Variants in ATP2B1 observed in about 807,000 individuals in gnomAD.
The protein encoded by ATP2B1 is ATPase plasma membrane Ca2+ transporting 1.
Under a neutral mutation model 124.2 loss-of-function variants are expected in ATP2B1, and 14 were observed. That is an observed-to-expected ratio of 0.11 (90% CI 0.07 to 0.18). ATP2B1 has a LOEUF of 0.18. Ranked by LOEUF, ATP2B1 falls within the 10% of genes least tolerant of loss-of-function variation. ATP2B1 has a pLI of 1.00. For synonymous variants in ATP2B1, 449 were observed against 492.4 expected (o/e 0.91, Z 1.17); for missense variants, 763 against 1,466.1 (o/e 0.52, Z 7.83).
At chr12:89,706,888 C>T (rs1238610824) in intron 1 of ATP2B1, among the ~76,000 whole-genome samples, 1 of 152,172 alleles carries the variant, frequency 6.6e-6, no homozygotes, top group East Asian at 1.9e-4. Flanking sequence ...AAGCCAAAAT[C>T]AGGACAGAGA....
intron 1 of ATP2B1, among the ~76,000 whole-genome samples, chr12:89,700,497 A>G (rs1191398086): frequency 6.6e-6 from 1 of 152,200 alleles, no homozygotes; most frequent in African/African-American, 2.4e-5. Flanking sequence ...AGAGAAGAAA[A>G]GGACAGAAGT....
chr12:89,681,694 C>T (rs1033210393), intron 1 of ATP2B1, among the ~76,000 whole-genome samples: 18 of 151,994 alleles, frequency 1.2e-4, no homozygotes, highest in Admixed American at 6.6e-5. Flanking sequence ...AAAAAATATA[C>T]CATGATCAAG....
intron 1 of ATP2B1, among the ~76,000 whole-genome samples, chr12:89,699,578 G>GA (rs1364123791): frequency 4.6e-5 from 7 of 152,084 alleles, no homozygotes; most frequent in Non-Finnish European, 7.4e-5. Context: ...AAAACCCCCT[G>GA]ACTTTGTACT....
intron 1 of ATP2B1, among the ~76,000 whole-genome samples, chr12:89,659,694 G>A (rs924352664): frequency 5.9e-5 from 9 of 151,966 alleles, no homozygotes; most frequent in Non-Finnish European, 8.8e-5. Context: ...AGGCCGAGGC[G>A]GGCGGATCAC....
At chr12:89,591,340 C>T (rs753819762) in intron 20 of ATP2B1, 45 bp from the exon 21 acceptor site, 3 of 1,515,634 alleles carry the variant, frequency 2.0e-6, no homozygotes, top group African/African-American at 2.8e-5. Context: ...ACACTATTAA[C>T]AACTTAAAAA....
intron 19 of ATP2B1, among the ~76,000 whole-genome samples, chr12:89,599,731 A>T (rs1875420807): frequency 6.7e-6 from 1 of 148,946 alleles, no homozygotes; most frequent in Admixed American, 6.6e-5. Context: ...AAAATTTTTA[A>T]AAAAATCATT....
chr12:89,651,596 T>C (rs1056505419), intron 2 of ATP2B1, among the ~76,000 whole-genome samples: 2 of 152,164 alleles, frequency 1.3e-5, no homozygotes, highest in Non-Finnish European at 1.5e-5. Context: ...AAAGAACAAA[T>C]TGATAAGCAG....
At chr12:89,696,601 A>C (rs1157547317) in intron 1 of ATP2B1, among the ~76,000 whole-genome samples, 1 of 152,248 alleles carries the variant, frequency 6.6e-6, no homozygotes, top group Admixed American at 6.5e-5. Context: ...TAAAGTGTTA[A>C]AACTAGCTAT....
In ATP2B1 at chr12:89,642,151, T is replaced by A; in HGVS notation, c.406+7A>T. 1 of 1,604,662 alleles carries A rather than the reference T, an allele frequency of 6.2e-7. No individual in the cohort carries two copies. Among genetic ancestry groups the A allele is most frequent in the Non-Finnish European group, 8.5e-7 (1 of 1,174,378 alleles). On this transcript the variant is annotated splice_region_variant and intron_variant, in intron 3 of 20. Transcript: ENST00000428670. ...CAGACATGTCTTTTTTCCCCCCATT[T>A]ACTTACGTGCATTATCCCCTTCTGG...
At chr12:89,687,053 C>G (rs889647600) in intron 1 of ATP2B1, among the ~76,000 whole-genome samples, 8 of 152,024 alleles carry the variant, frequency 5.3e-5, no homozygotes, top group African/African-American at 1.9e-4. Flanking sequence ...ACATGTTTTT[C>G]TTGTCGTTAT....
At chr12:89,695,214 C>T (rs1891005698) in intron 1 of ATP2B1, among the ~76,000 whole-genome samples, 1 of 152,006 alleles carries the variant, frequency 6.6e-6, no homozygotes, top group African/African-American at 2.4e-5. Context: ...TAGAAGAGAT[C>T]ACAGACCAGG....
At chr12:89,708,135 G>C (rs1159714957) in intron 1 of ATP2B1, among the ~76,000 whole-genome samples, 1 of 152,162 alleles carries the variant, frequency 6.6e-6, no homozygotes, top group African/African-American at 2.4e-5. Context: ...CGTCTGGGGG[G>C]CCGAGGCCAA....
chr12:89,645,016 C>T (rs1368535039), intron 2 of ATP2B1, among the ~76,000 whole-genome samples: 4 of 152,134 alleles, frequency 2.6e-5, no homozygotes, highest in Non-Finnish European at 5.9e-5. Flanking sequence ...GGACACTATA[C>T]CAATAAAACT....
intron 8 of ATP2B1, 106 bp downstream of exon 8, chr12:89,626,348 C>A: frequency 1.6e-6 from 2 of 1,220,250 alleles, no homozygotes; most frequent in South Asian, 3.2e-5. Flanking sequence ...AACTCCCCTT[C>A]TATTCACAAA....
chr12:89,704,963 C>T (rs1892281398), intron 1 of ATP2B1, among the ~76,000 whole-genome samples: 1 of 152,072 alleles, frequency 6.6e-6, no homozygotes, highest in African/African-American at 2.4e-5. Flanking sequence ...ATTACCTGTC[C>T]TATGTCCCCA....
At position 89,656,104 on chromosome 12, in the gene ATP2B1, A is replaced by C. The variant is rs1449799465; in HGVS notation, c.-218T>G. 1.1e-5 allele frequency: 5 copies of C among 452,728 alleles called. No homozygotes were observed. Among genetic ancestry groups the C allele is most frequent in the Non-Finnish European group, 1.9e-5 (5 of 257,122 alleles). The allele number at this position is 452,728 out of a possible 1,614,324, so 28.0% of individuals were successfully genotyped here. On this transcript the variant is annotated 5_prime_UTR_variant, in exon 2 of 21. Transcript: ENST00000428670. Reference sequence around the variant, plus strand: ...TCTCCATATCAATCATGAGATATACACATCTGTAAGAAGAAAATATTTAAA... The same window carrying C: ...TCTCCATATCAATCATGAGATATACCCATCTGTAAGAAGAAAATATTTAAA...
rs532820899 is a variant in ATP2B1 at position 89,592,812 on chromosome 12, C to T, written c.3352-1517G>A. ...CACAAGTATCGAGGCCAGGGCTTCT[C>T]GAACTTTAATGTGCATACAAATTAG... On this transcript the variant is annotated intron_variant, in intron 20 of 20. Coordinates refer to ENST00000428670, the MANE Select transcript of ATP2B1 (RefSeq NM_001366521.1). Among the ~76,000 whole-genome samples, 4 of 152,130 alleles carry T rather than the reference C, an allele frequency of 2.6e-5. No individual in the cohort carries two copies. In the South Asian group the frequency reaches 6.2e-4, roughly 24 times the overall value.
intron 2 of ATP2B1, among the ~76,000 whole-genome samples, chr12:89,652,338 C>T (rs1021757713): frequency 2.0e-5 from 3 of 152,030 alleles, no homozygotes; most frequent in Admixed American, 6.6e-5. Context: ...ACTGCCAGGC[C>T]CCACCACCTT....
chr12:89,634,318 T>C (rs895919792), intron 5 of ATP2B1, among the ~76,000 whole-genome samples: 1 of 152,218 alleles, frequency 6.6e-6, no homozygotes, highest in East Asian at 1.9e-4. Context: ...TTGGATTAGG[T>C]AAACTTTAAG....
Sources: gnomAD v4.1 joint callset for allele counts (sites outside exome capture counted in the v4.1 genomes callset) on GRCh38, gnomAD v4.1.1 for gene constraint, MANE v1.5 for transcripts, NCBI Gene and HGNC (gene_info 2026-07-23, HGNC 2026-07-21) for gene names.